Variants in GPR26 observed in about 807,000 individuals in gnomAD.
GPR26 encodes the protein G protein-coupled receptor 26.
GPR26 carries 15 observed loss-of-function variants against 23.1 expected under a neutral mutation model. The ratio of observed to expected loss-of-function variants is 0.65; its 90% CI spans 0.43 to 1.00. GPR26 has a LOEUF of 1.00. GPR26 is among the 50% of genes least tolerant of loss of function. The pLI, the probability that GPR26 is intolerant of heterozygous loss-of-function variation, is 0.00. For synonymous variants in GPR26, 228 were observed against 222.1 expected (o/e 1.03, Z -0.24); for missense variants, 359 against 470.5 (o/e 0.76, Z 2.19).
chr10:123,668,335 G>T (rs999278852), intron 1 of GPR26, among the ~76,000 whole-genome samples: 1 of 152,180 alleles, frequency 6.6e-6, no homozygotes, highest in African/African-American at 2.4e-5. Flanking sequence ...TTGTCCCCCT[G>T]AGCACAGCCA....
In GPR26 at chr10:123,674,892, G is replaced by C; in HGVS notation, c.743G>C (p.Gly248Ala). 6.2e-7 allele frequency: 1 copy of C among 1,613,466 alleles called. No homozygotes were observed. Among genetic ancestry groups the C allele is most frequent in the Non-Finnish European group, 8.5e-7 (1 of 1,179,692 alleles). The change falls in exon 2 of 3, where the codon GGG becomes GCG. Residue 248 changes from glycine (G) to alanine (A), a missense_variant. Transcript: ENST00000284674. The surrounding 1 kb of genome is among the most constrained non-coding windows in gnomAD (Gnocchi z 4.1). ...RATKKISTFI[G>A]TFLVCFAPYV... ...ACCAAGAAGATCAGCACCTTCATAG[G>C]GACCTTCCTTGTGTGCTTCGCGCCC...
chr10:123,666,371 G>C lies in GPR26; in HGVS notation c.-37G>C. 1 of 1,301,304 alleles carries C rather than the reference G, an allele frequency of 7.7e-7. No homozygotes were observed. Among genetic ancestry groups the C allele is most frequent in the Non-Finnish European group, 9.8e-7 (1 of 1,023,642 alleles). 80.6% of individuals were successfully genotyped at this position (1,301,304 alleles called of 1,614,324 possible). A position where few individuals can be genotyped will look rare whatever the true frequency, so the allele number is the denominator to read the frequency against. On this transcript the variant is annotated 5_prime_UTR_variant, in exon 1 of 3. Transcript: ENST00000284674. ...CGCGGGCAGCGCCATGGCGGCGCCGGGTTGCGGACCCTGAGCGCCGGCGCG... is the reference window on the plus strand; with the variant it reads ...CGCGGGCAGCGCCATGGCGGCGCCGCGTTGCGGACCCTGAGCGCCGGCGCG...
chr10:123,672,520 G>C (rs1247706329), intron 1 of GPR26, among the ~76,000 whole-genome samples: 1 of 152,196 alleles, frequency 6.6e-6, no homozygotes, highest in Non-Finnish European at 1.5e-5. Flanking sequence ...ACAAGCATCA[G>C]ATCTCCACCT....
At chr10:123,685,472 C>T (rs1845422419) in intron 2 of GPR26, among the ~76,000 whole-genome samples, 1 of 152,204 alleles carries the variant, frequency 6.6e-6, no homozygotes, top group South Asian at 2.1e-4. Flanking sequence ...CTCAGCCAGC[C>T]ACAGCCGGGC....
intron 2 of GPR26, among the ~76,000 whole-genome samples, chr10:123,687,573 G>C (rs555002030): frequency 9.9e-5 from 15 of 152,162 alleles, no homozygotes; most frequent in Non-Finnish European, 1.9e-4. Context: ...GACGGACCTA[G>C]GTTCAAATTC....
At position 123,666,762 on chromosome 10, in the gene GPR26, C is replaced by G; in HGVS notation, c.355C>G (p.Arg119Gly). The change falls in exon 1 of 3, where the codon CGC (arginine) becomes GGC (glycine). Residue 119 changes from arginine (R) to glycine (G), a missense_variant. Transcript: ENST00000284674. ...VFPLSYRAKMRLRDAALMVAY... is the reference protein window; with the variant it reads ...VFPLSYRAKMGLRDAALMVAY... ...CCCGCTGAGCTACCGGGCCAAGATG[C>G]GCCTCCGCGACGCGGCGCTCATGGT... 1.2e-6 allele frequency: 2 copies of G among 1,601,102 alleles called. No homozygotes were observed. Among genetic ancestry groups the G allele is most frequent in the Non-Finnish European group, 1.7e-6 (2 of 1,177,168 alleles).
chr10:123,697,035 G>T lies in GPR26; in HGVS notation c.*8875G>T, dbSNP rs528669369. On this transcript the variant is annotated 3_prime_UTR_variant, in exon 3 of 3. Coordinates refer to ENST00000284674, the MANE Select transcript of GPR26 (RefSeq NM_153442.4). Reference sequence around the variant, plus strand: ...TTCATGAACACAAACAGCTACACTCGGAGTAGAAAACAAATGAAGCAAAAG... The same window carrying T: ...TTCATGAACACAAACAGCTACACTCTGAGTAGAAAACAAATGAAGCAAAAG... Among the ~76,000 whole-genome samples, 1 of 152,188 alleles carries T rather than the reference G, an allele frequency of 6.6e-6. No homozygotes were observed. The highest frequency in any genetic ancestry group is 1.9e-4 in the East Asian group (1 of 5,208).
chr10:123,679,649 C>T (rs1845347433), intron 2 of GPR26, among the ~76,000 whole-genome samples: 1 of 152,076 alleles, frequency 6.6e-6, no homozygotes, highest in Non-Finnish European at 1.5e-5. Flanking sequence ...CAGAGCTATG[C>T]ATCTAGTCAG....
At position 123,666,396 on chromosome 10, in the gene GPR26, G is replaced by A. The variant is rs1037474761; in HGVS notation, c.-12G>A. 7 of 1,377,958 alleles carry A rather than the reference G, an allele frequency of 5.1e-6. No homozygotes were observed. Among genetic ancestry groups the A allele is most frequent in the East Asian group, 6.1e-5 (2 of 33,034 alleles). 85.4% of individuals were successfully genotyped at this position (1,377,958 alleles called of 1,614,324 possible). ...GGTTGCGGACCCTGAGCGCCGGCGC[G>A]GGGCGCGCACCATGAACTCGTGGGA... is the stretch of plus-strand genomic sequence containing the variant. On this transcript the variant is annotated 5_prime_UTR_variant, in exon 1 of 3. Coordinates refer to ENST00000284674, the MANE Select transcript of GPR26 (RefSeq NM_153442.4).
rs1029120645 is a variant in GPR26, at chr10:123,693,057, A to G, written c.*4897A>G. On this transcript the variant is annotated 3_prime_UTR_variant, in exon 3 of 3. Coordinates refer to ENST00000284674, the MANE Select transcript of GPR26 (RefSeq NM_153442.4). ...CAGCAGATGTTTTTCTGCCATTAGG[A>G]AACAGCCCCTTACTCTCAGCTCCTG... 1 of 152,120 alleles carries G rather than the reference A, an allele frequency of 6.6e-6. No individual in the cohort carries two copies. The highest frequency in any genetic ancestry group is 1.5e-5 in the Non-Finnish European group (1 of 68,050). The allele number at this position is 152,120 out of a possible 1,614,324, so 9.4% of individuals were successfully genotyped here. A position where few individuals can be genotyped will look rare whatever the true frequency, so the allele number is the denominator to read the frequency against.
chr10:123,682,320 T>C (rs1397320045), intron 2 of GPR26, among the ~76,000 whole-genome samples: 2 of 151,934 alleles, frequency 1.3e-5, no homozygotes, highest in South Asian at 2.1e-4. Context: ...GCAGATGCAG[T>C]TGGCATCTCA....
intron 1 of GPR26, among the ~76,000 whole-genome samples, chr10:123,673,118 G>T (rs1845268667): frequency 6.6e-6 from 1 of 152,094 alleles, no homozygotes; most frequent in Non-Finnish European, 1.5e-5. Flanking sequence ...TTTCAGCCAG[G>T]ACGAAATCTG....
At chr10:123,668,327 G>T (rs185078305) in intron 1 of GPR26, among the ~76,000 whole-genome samples, 2 of 152,280 alleles carry the variant, frequency 1.3e-5, no homozygotes, top group Admixed American at 1.3e-4. Flanking sequence ...CGTGTTCATT[G>T]TCCCCCTGAG....
chr10:123,687,971 G>A lies in GPR26; in HGVS notation c.825G>A (p.Trp275Ter). 6.2e-7 allele frequency: 1 copy of A among 1,613,842 alleles called. No individual in the cohort carries two copies. The highest frequency in any genetic ancestry group is 1.3e-5 in the African/African-American group (1 of 75,036). Residue 275 changes from tryptophan (W) to a stop codon, truncating the protein, a stop_gained, in exon 3 of 3, where the codon TGG becomes TGA. Coordinates refer to ENST00000284674, the MANE Select transcript of GPR26 (RefSeq NM_153442.4). LOFTEE classifies it high-confidence loss of function. Reference sequence around the variant, plus strand: ...CCACGGTGCCCATCGGCTCCCACTGGGGGGTGCTGTCCAAGTGCTTGGCGT... The same window carrying A: ...CCACGGTGCCCATCGGCTCCCACTGAGGGGTGCTGTCCAAGTGCTTGGCGT... ...LFSTVPIGSH[W>*]GVLSKCLAYS...
At chr10:123,676,985 G>A (rs923982408) in intron 2 of GPR26, among the ~76,000 whole-genome samples, 2 of 152,196 alleles carry the variant, frequency 1.3e-5, no homozygotes, top group Non-Finnish European at 2.9e-5. Flanking sequence ...GCTGCACCAA[G>A]AGGGGATTTG....
In GPR26 at chr10:123,694,929, G is replaced by A. The variant is rs965232567; in HGVS notation, c.*6769G>A. Among the ~76,000 whole-genome samples the A allele has an allele frequency of 3.3e-5, 5 of 152,172 alleles. No homozygotes were observed. The highest frequency in any genetic ancestry group is 5.9e-5 in the Non-Finnish European group (4 of 68,034). On this transcript the variant is annotated 3_prime_UTR_variant, in exon 3 of 3. Transcript: ENST00000284674. The stretch of plus-strand genomic sequence containing the variant: ...CTTCTGACAATATCCTGAAGGGTTC[G>A]AATGTTTGTCTTCGGTAGGGAGTGC...
intron 2 of GPR26, among the ~76,000 whole-genome samples, chr10:123,680,828 G>T (rs55765850): frequency 0.44 from 29,150 of 66,926 alleles, 5,317 homozygotes; most frequent in Middle Eastern, 0.57. Context: ...TTGTTTTTTT[G>T]GGGGGGGGGG....
At position 123,666,501 on chromosome 10, in the gene GPR26, C is replaced by A; in HGVS notation, c.94C>A (p.His32Asn). The change falls in exon 1 of 3, where the codon CAC (histidine) becomes AAC (asparagine). Residue 32 changes from histidine (H) to asparagine (N), a missense_variant. Physicochemically the swap from His to Asn is moderately conservative, Grantham distance 68. Coordinates refer to ENST00000284674, the MANE Select transcript of GPR26 (RefSeq NM_153442.4). The part of the protein sequence containing the change: ...SNALVLLCLL[H>N]SADIRRQAPA... Reference sequence around the variant, plus strand: ...CGCGCTGGTGCTGCTCTGCCTGCTGCACAGCGCGGACATCCGCCGCCAGGC... The same window carrying A: ...CGCGCTGGTGCTGCTCTGCCTGCTGAACAGCGCGGACATCCGCCGCCAGGC... 1 of 1,572,690 alleles carries A rather than the reference C, an allele frequency of 6.4e-7. No individual in the cohort carries two copies. Among genetic ancestry groups the A allele is most frequent in the Non-Finnish European group, 8.6e-7 (1 of 1,163,578 alleles).
At position 123,688,141 on chromosome 10, in the gene GPR26, T is replaced by C. The variant is rs778203421; in HGVS notation, c.995T>C (p.Ile332Thr). ...GLTGDSHSQN[I>T]LPVSE The stretch of plus-strand genomic sequence containing the variant: ...ACAGGCGACTCTCACAGCCAGAACA[T>C]TCTGCCGGTGTCTGAGTGAAGGACC... The change falls in exon 3 of 3, where the codon ATT becomes ACT. Residue 332 changes from isoleucine (I) to threonine (T), a missense_variant. Ile to Thr is a moderately conservative substitution (Grantham distance 89, BLOSUM62 -1). Coordinates refer to ENST00000284674, the MANE Select transcript of GPR26 (RefSeq NM_153442.4). 9.9e-6 allele frequency: 16 copies of C among 1,611,718 alleles called. No homozygotes were observed. Among genetic ancestry groups the C allele is most frequent in the Non-Finnish European group, 1.3e-5 (15 of 1,178,976 alleles).
Sources: allele counts gnomAD v4.1 joint callset (sites outside exome capture counted in the v4.1 genomes callset), GRCh38; gene constraint gnomAD v4.1.1; non-coding constraint Gnocchi (gnomAD v3.1); transcripts MANE v1.5; gene names NCBI Gene and HGNC (gene_info 2026-07-23, HGNC 2026-07-21).